KCNK2: variants seen among roughly 807,000 people sequenced by gnomAD.
KCNK2 encodes the protein potassium two pore domain channel subfamily K member 2.
Under a neutral mutation model 40.5 loss-of-function variants are expected in KCNK2, and 21 were observed. The observed-to-expected ratio is 0.52, with a 90% CI of 0.37 to 0.75. KCNK2 has a LOEUF of 0.75. Among genes scored for constraint, KCNK2 ranks in the 30% least tolerant of loss-of-function variants. The probability of loss-of-function intolerance (pLI) is 0.00; values close to 1 mark genes in which losing one functional copy is unlikely to be tolerated. For missense variants in KCNK2, 399 were observed against 531.6 expected, an observed-to-expected ratio of 0.75 and a Z score of 2.45; for synonymous variants, 191 against 202.2, an observed-to-expected ratio of 0.94 and a Z score of 0.47.
rs769454326 is a variant in KCNK2 at position 215,204,111 on chromosome 1, AT to A, written c.963+9031del. Among the ~76,000 whole-genome samples the A allele has an allele frequency of 2.0e-3, 267 of 136,508 alleles. 1 individual carries two copies. Among genetic ancestry groups the A allele is most frequent in the Middle Eastern group, 0.012 (3 of 248 alleles). The allele number at this position is 136,508 out of a possible 152,430, so 89.6% of individuals were successfully genotyped here. A position where few individuals can be genotyped will look rare whatever the true frequency, so the allele number is the denominator to read the frequency against. The stretch of plus-strand genomic sequence containing the variant: ...GTTCCTAAAATCTACCCACATGCTC[AT>A]TTTTTTTTTTTCTTGAATTAGACCC... On this transcript the variant is annotated intron_variant, in intron 6 of 6. Transcript: ENST00000444842.
chr1:215,219,538 T>A (rs1666089068), intron 6 of KCNK2, among the ~76,000 whole-genome samples: 2 of 152,174 alleles, frequency 1.3e-5, no homozygotes, highest in Admixed American at 1.3e-4. Flanking sequence ...GGAAAGCTCT[T>A]CTCATTGCAT....
chr1:215,086,650 A>G lies in KCNK2; in HGVS notation c.329A>G (p.Asn110Ser), dbSNP rs1257498640. 1.2e-6 allele frequency: 2 copies of G among 1,614,076 alleles called. No homozygotes were observed. The highest frequency in any genetic ancestry group is 1.7e-6 in the Non-Finnish European group (2 of 1,179,938). The change falls in exon 2 of 7, where the codon AAT becomes AGT. Residue 110 changes from asparagine (N) to serine (S), a missense_variant. Around this residue, in one of 3 missense-constraint regions of KCNK2, gnomAD observed 279 missense variants for 353.8 expected, o/e 0.79. Coordinates refer to ENST00000444842, the MANE Select transcript of KCNK2 (RefSeq NM_001017425.3). ...QTFISQHSCV[N>S]STELDELIQQ... ...TTCATATCCCAACATTCCTGTGTCAATTCGACGGAGCTGGATGAACTCATT... is the reference window on the plus strand; with the variant it reads ...TTCATATCCCAACATTCCTGTGTCAGTTCGACGGAGCTGGATGAACTCATT...
At chr1:215,125,527 A>G (rs952045977) in intron 3 of KCNK2, among the ~76,000 whole-genome samples, 2 of 151,806 alleles carry the variant, frequency 1.3e-5, no homozygotes, top group Non-Finnish European at 2.9e-5. Flanking sequence ...AGTGAAAGCT[A>G]TGTTTGTGAA....
chr1:215,054,464 G>A (rs1201705739), intron 1 of KCNK2, among the ~76,000 whole-genome samples: 3 of 152,174 alleles, frequency 2.0e-5, no homozygotes, highest in East Asian at 1.9e-4. Flanking sequence ...GCCACATTCT[G>A]TTCAGTGTAT....
chr1:215,113,118 A>G (rs1397830075), intron 2 of KCNK2, among the ~76,000 whole-genome samples: 2 of 152,198 alleles, frequency 1.3e-5, no homozygotes, highest in Admixed American at 6.5e-5. Flanking sequence ...ACATAAACAT[A>G]TAAGACAAGG....
At chr1:215,015,808 T>C (rs1656567286) in intron 1 of KCNK2, among the ~76,000 whole-genome samples, 1 of 152,140 alleles carries the variant, frequency 6.6e-6, no homozygotes, top group African/African-American at 2.4e-5. Context: ...AAAATAACTA[T>C]GGACTGAAAC....
At chr1:215,081,042 G>A (rs569344004), upstream of KCNK2, among the ~76,000 whole-genome samples, 1 of 152,168 alleles carries the variant, frequency 6.6e-6, no homozygotes, top group East Asian at 1.9e-4. Context: ...CTGAAGCATC[G>A]ACTCTTGCTT....
intron 3 of KCNK2, among the ~76,000 whole-genome samples, chr1:215,149,123 A>T (rs955969354): frequency 3.3e-5 from 5 of 152,144 alleles, no homozygotes; most frequent in Admixed American, 3.3e-4. Flanking sequence ...TAGGAGATGG[A>T]TTTGTGTGAG....
intron 2 of KCNK2, among the ~76,000 whole-genome samples, chr1:215,120,540 A>G (rs1383830568): frequency 6.6e-6 from 1 of 152,208 alleles, no homozygotes; most frequent in Non-Finnish European, 1.5e-5. Flanking sequence ...TACTGGAAAC[A>G]TTTAGTTCTT....
intron 6 of KCNK2, among the ~76,000 whole-genome samples, chr1:215,197,289 C>T (rs993408037): frequency 3.3e-5 from 5 of 152,138 alleles, no homozygotes; most frequent in Non-Finnish European, 5.9e-5. Context: ...ATAGGACGGA[C>T]TGGGTGTTAT....
chr1:215,056,915 T>C (rs1658189716), intron 1 of KCNK2, among the ~76,000 whole-genome samples: 1 of 152,228 alleles, frequency 6.6e-6, no homozygotes, highest in South Asian at 2.1e-4. Flanking sequence ...ATGTTTACTA[T>C]CATAGAAACT....
chr1:215,205,414 A>G (rs1665273904), intron 6 of KCNK2, among the ~76,000 whole-genome samples: 2 of 151,942 alleles, frequency 1.3e-5, no homozygotes, highest in Admixed American at 6.6e-5. Context: ...ATTTTTGTGT[A>G]TTTAGTAGAG....
At chr1:215,109,301 G>T (rs1427466668) in intron 2 of KCNK2, among the ~76,000 whole-genome samples, 2 of 151,778 alleles carry the variant, frequency 1.3e-5, no homozygotes, top group Non-Finnish European at 2.9e-5. Context: ...TATTTTTTCT[G>T]CCTACATATA....
intron 3 of KCNK2, among the ~76,000 whole-genome samples, chr1:215,168,368 A>G (rs983465636): frequency 6.6e-6 from 1 of 152,226 alleles, no homozygotes; most frequent in Non-Finnish European, 1.5e-5. Flanking sequence ...TACCCAAAGG[A>G]TTATAAATCA....
At chr1:215,212,506 A>G (rs1665784307) in intron 6 of KCNK2, among the ~76,000 whole-genome samples, 1 of 152,188 alleles carries the variant, frequency 6.6e-6, no homozygotes, top group Admixed American at 6.5e-5. Context: ...ATATGTTTCT[A>G]GAGAACAATA....
chr1:215,056,425 A>C (rs1285419457), intron 1 of KCNK2, among the ~76,000 whole-genome samples: 1 of 149,512 alleles, frequency 6.7e-6, no homozygotes, highest in African/African-American at 2.5e-5. Flanking sequence ...TTGTATACAT[A>C]AACTGGGAGA....
At chr1:215,154,807 A>C (rs1295843257) in intron 3 of KCNK2, among the ~76,000 whole-genome samples, 2 of 152,126 alleles carry the variant, frequency 1.3e-5, no homozygotes, top group Non-Finnish European at 2.9e-5. Context: ...ATGGCTAGCC[A>C]GTTTTCCCAG....
chr1:215,157,380 C>T (rs926406986), intron 3 of KCNK2, among the ~76,000 whole-genome samples: 13 of 152,160 alleles, frequency 8.5e-5, no homozygotes, highest in African/African-American at 2.9e-4. Flanking sequence ...TATTAAACCC[C>T]TTCTCCCTAC....
intron 1 of KCNK2, among the ~76,000 whole-genome samples, chr1:215,033,927 T>A (rs1015474621): frequency 7.9e-5 from 12 of 152,216 alleles, no homozygotes; most frequent in African/African-American, 2.2e-4. Context: ...AGACCTCCAA[T>A]GACTGGATCC....
Sources: gnomAD v4.1 joint callset for allele counts (sites outside exome capture counted in the v4.1 genomes callset) on GRCh38, gnomAD v4.1.1 for gene constraint, gnomAD v4.1.1 regional missense constraint, MANE v1.5 for transcripts, NCBI Gene and HGNC (gene_info 2026-07-23, HGNC 2026-07-21) for gene names.